The following PDSS2 variants were observed in gnomAD, a reference collection of about 807,000 sequenced individuals.
PDSS2 encodes all trans-polyprenyl-diphosphate synthase PDSS2.
A neutral mutation model predicts 44.5 loss-of-function variants in PDSS2; 31 were observed. The ratio of observed to expected loss-of-function variants is 0.70; its 90% CI spans 0.52 to 0.94. The LOEUF (loss-of-function observed/expected upper bound fraction) is 0.94. PDSS2 is among the 40% of genes least tolerant of loss of function. PDSS2 has a pLI of 0.00. For missense variants in PDSS2, 452 were observed against 482.2 expected, an observed-to-expected ratio of 0.94 and a Z score of 0.59; for synonymous variants, 157 against 180.3, an observed-to-expected ratio of 0.87 and a Z score of 1.03.
At chr6:107,363,661 C>T (rs912190550) in intron 1 of PDSS2, among the ~76,000 whole-genome samples, 1 of 152,108 alleles carries the variant, frequency 6.6e-6, no homozygotes, top group Non-Finnish European at 1.5e-5. Flanking sequence ...GGAAGGGGAC[C>T]CGAGCGGGTT....
intron 1 of PDSS2, among the ~76,000 whole-genome samples, chr6:107,342,048 G>A (rs1245297470): frequency 2.6e-5 from 4 of 151,976 alleles, no homozygotes; most frequent in Non-Finnish European, 5.9e-5. Flanking sequence ...TCCAATGCCC[G>A]GGCTTGCTTA....
intron 1 of PDSS2, among the ~76,000 whole-genome samples, chr6:107,452,492 A>G (rs1194735532): frequency 6.6e-6 from 1 of 151,114 alleles, no homozygotes; most frequent in Non-Finnish European, 1.5e-5. Context: ...TCGGCCTCCC[A>G]AAGTTCTGGG....
chr6:107,378,103 G>A (rs547753240), intron 1 of PDSS2, among the ~76,000 whole-genome samples: 44 of 143,186 alleles, frequency 3.1e-4, no homozygotes, highest in Non-Finnish European at 5.7e-4. Context: ...TAAAAAAAAC[G>A]ACAGTACACT....
intron 2 of PDSS2, among the ~76,000 whole-genome samples, chr6:107,300,775 G>C (rs1776668357): frequency 6.6e-6 from 1 of 152,108 alleles, no homozygotes; most frequent in African/African-American, 2.4e-5. Flanking sequence ...CTGGTTTGCA[G>C]CGTATGTATA....
intron 1 of PDSS2, among the ~76,000 whole-genome samples, chr6:107,409,918 G>C (rs941059151): frequency 1.3e-5 from 2 of 152,150 alleles, no homozygotes; most frequent in Non-Finnish European, 2.9e-5. Flanking sequence ...GACCTTACCC[G>C]GGGAGGCATC....
chr6:107,390,698 G>A (rs1031336934), intron 1 of PDSS2, among the ~76,000 whole-genome samples: 4 of 152,068 alleles, frequency 2.6e-5, no homozygotes, highest in Non-Finnish European at 2.9e-5. Flanking sequence ...TGAGGGTATA[G>A]GGTATAAAGG....
At chr6:107,203,557 A>G (rs1772864461) in intron 6 of PDSS2, among the ~76,000 whole-genome samples, 1 of 152,202 alleles carries the variant, frequency 6.6e-6, no homozygotes, top group Non-Finnish European at 1.5e-5. Flanking sequence ...CCTTGATCAT[A>G]TCAGGCTCAA....
intron 1 of PDSS2, among the ~76,000 whole-genome samples, chr6:107,349,134 A>G (rs537402855): frequency 6.6e-6 from 1 of 152,318 alleles, no homozygotes; most frequent in Admixed American, 6.5e-5. Context: ...ACTTTAGGGT[A>G]TATAAATTAC....
intron 2 of PDSS2, among the ~76,000 whole-genome samples, chr6:107,274,518 G>C (rs756252122): frequency 1.3e-5 from 2 of 152,070 alleles, no homozygotes; most frequent in African/African-American, 2.4e-5. Flanking sequence ...GCTCCATTTA[G>C]ATACTGTGCT....
At chr6:107,372,994 T>C (rs1459467485) in intron 1 of PDSS2, among the ~76,000 whole-genome samples, 2 of 151,666 alleles carry the variant, frequency 1.3e-5, no homozygotes, top group African/African-American at 4.8e-5. Flanking sequence ...TTTTTTTTTT[T>C]TTTTTTTTAA....
chr6:107,253,462 T>C (rs1388850197), intron 3 of PDSS2, among the ~76,000 whole-genome samples: 3 of 152,258 alleles, frequency 2.0e-5, no homozygotes, highest in African/African-American at 7.2e-5. Flanking sequence ...ATTGTCTAGA[T>C]AAATAACTTC....
At chr6:107,158,430 C>A (rs1156891937) in intron 7 of PDSS2, among the ~76,000 whole-genome samples, 2 of 152,060 alleles carry the variant, frequency 1.3e-5, no homozygotes, top group African/African-American at 4.8e-5. Flanking sequence ...GGTGATCTGC[C>A]CACCTCAGCC....
intron 1 of PDSS2, among the ~76,000 whole-genome samples, chr6:107,431,671 C>T (rs1274643842): frequency 6.6e-6 from 1 of 151,908 alleles, no homozygotes; most frequent in Non-Finnish European, 1.5e-5. Context: ...AACTATTTTT[C>T]AAGAAAACTT....
Position 107,227,190 on chromosome 6 carries a change from C to T in PDSS2, c.703-14908G>A, listed in dbSNP as rs1308425795. On this transcript the variant is annotated intron_variant, in intron 4 of 7. Transcript: ENST00000369037. ...TAGAGACAGGGTTTTACCATGTTGG[C>T]CAGGCTGGTCTCGAACTCCTGACCT... Among the ~76,000 whole-genome samples the T allele has an allele frequency of 7.3e-5, 11 of 150,956 alleles. No individual in the cohort carries two copies. In the East Asian group the frequency reaches 2.2e-3, roughly 30 times the overall value.
At chr6:107,209,185 T>C (rs1244012556) in intron 6 of PDSS2, among the ~76,000 whole-genome samples, 1 of 152,182 alleles carries the variant, frequency 6.6e-6, no homozygotes, top group Non-Finnish European at 1.5e-5. Context: ...CTAAGTTCCC[T>C]TTTTATCAGT....
rs1293125688 is a variant in PDSS2 at position 107,193,855 on chromosome 6, C to T, written c.1009-1G>A. 6.4e-7 allele frequency: 1 copy of T among 1,568,526 alleles called. No homozygotes were observed. The highest frequency in any genetic ancestry group is 2.2e-5 in the East Asian group (1 of 44,574). On this transcript the variant is annotated splice_acceptor_variant, in intron 6 of 7. Transcript: ENST00000369037. LOFTEE classifies it high-confidence loss of function. ...AGTCCAATCTTCCTTTTTCTTGAGC[C>T]TACAAAAGAAGAGGGGAAAATTAAT... is the stretch of plus-strand genomic sequence containing the variant.
At chr6:107,365,921 A>T (rs1216307859) in intron 1 of PDSS2, among the ~76,000 whole-genome samples, 1 of 152,194 alleles carries the variant, frequency 6.6e-6, no homozygotes, top group Non-Finnish European at 1.5e-5. Flanking sequence ...TGAAAGAAGA[A>T]ACAGGCAATT....
chr6:107,305,520 T>C (rs961128035), intron 2 of PDSS2, among the ~76,000 whole-genome samples: 3 of 152,222 alleles, frequency 2.0e-5, no homozygotes, highest in Non-Finnish European at 4.4e-5. Flanking sequence ...AGTTATTTCA[T>C]CCTCCAAAGC....
At chr6:107,338,458 G>A (rs1278732836) in intron 1 of PDSS2, among the ~76,000 whole-genome samples, 1 of 152,238 alleles carries the variant, frequency 6.6e-6, no homozygotes, top group Non-Finnish European at 1.5e-5. Flanking sequence ...TAAACAGACA[G>A]TGGAGAATAT....
Sources: gnomAD v4.1 joint callset for allele counts (sites outside exome capture counted in the v4.1 genomes callset) on GRCh38, gnomAD v4.1.1 for gene constraint, MANE v1.5 for transcripts, NCBI Gene and HGNC (gene_info 2026-07-23, HGNC 2026-07-21) for gene names.